Variants in AVEN observed in about 807,000 individuals in gnomAD.
AVEN encodes the protein apoptosis and caspase activation inhibitor.
A neutral mutation model predicts 38.1 loss-of-function variants in AVEN; 41 were observed. The ratio of observed to expected loss-of-function variants is 1.08; its 90% CI spans 0.84 to 1.40. The LOEUF is 1.40. Among genes scored for constraint, AVEN ranks in the 40% most tolerant of loss-of-function variants. The pLI is 0.00. For missense variants in AVEN, 605 were observed against 438.8 expected (o/e 1.38, Z -3.38); for synonymous variants, 206 against 171.8 (o/e 1.20, Z -1.56).
intron 2 of AVEN, among the ~76,000 whole-genome samples, chr15:33,934,290 T>C (rs1283595326): frequency 6.6e-6 from 1 of 151,706 alleles, no homozygotes; most frequent in Non-Finnish European, 1.5e-5. Context: ...AGCCCAGGAG[T>C]TTGAGGCTGC....
chr15:34,030,203 G>A (rs1271918845), intron 1 of AVEN, among the ~76,000 whole-genome samples: 1 of 152,130 alleles, frequency 6.6e-6, no homozygotes, highest in Non-Finnish European at 1.5e-5. Flanking sequence ...GCAGGGAGCT[G>A]AGATCACACC....
intron 5 of AVEN, among the ~76,000 whole-genome samples, chr15:34,053,527 C>T (rs1900022571): frequency 6.6e-6 from 1 of 151,646 alleles, no homozygotes; most frequent in Admixed American, 6.6e-5. Context: ...TAAAACTACA[C>T]ATCTACAAAC....
chr15:34,027,454 G>A (rs956076312), intron 1 of AVEN, among the ~76,000 whole-genome samples: 6 of 151,642 alleles, frequency 4.0e-5, no homozygotes, highest in Non-Finnish European at 5.9e-5. Flanking sequence ...GCTTGAACCC[G>A]GAAGGCAGAG....
At chr15:33,853,002 A>T in the AVEN span, 6 of 1,541,346 alleles carry the variant, frequency 3.9e-6, no homozygotes, top group Non-Finnish European at 5.3e-6. Context: ...GTTTTCCTTG[A>T]TGTTAAGAAT....
intron 2 of AVEN, among the ~76,000 whole-genome samples, chr15:33,948,863 G>A (rs1458822385): frequency 6.6e-6 from 1 of 151,918 alleles, no homozygotes; most frequent in Non-Finnish European, 1.5e-5. Flanking sequence ...ATCGAGACAG[G>A]GGATTCATCA....
rs146161396 is a variant in AVEN, at chr15:33,964,526, G to A, written c.445+38506C>T. ...ATGCCAAAAGAAAAAAAATGCAATC[G>A]TTTTACCCGAATGTAATACATATGA... On this transcript the variant is annotated intron_variant, in intron 2 of 5. Coordinates refer to ENST00000306730, the MANE Select transcript of AVEN (RefSeq NM_020371.3). Among the ~76,000 whole-genome samples, 28 of 152,114 alleles carry A rather than the reference G, an allele frequency of 1.8e-4. 1 individual carries two copies. In the East Asian group the frequency reaches 4.1e-3, roughly 22 times the overall value.
intron 2 of AVEN, among the ~76,000 whole-genome samples, chr15:33,877,312 A>C (rs1891279788): frequency 6.6e-6 from 1 of 152,196 alleles, no homozygotes; most frequent in African/African-American, 2.4e-5. Context: ...TTTTTTTAAA[A>C]AGAGCAACCA....
At chr15:34,048,828 C>G (rs1211045073) in intron 5 of AVEN, among the ~76,000 whole-genome samples, 1 of 152,130 alleles carries the variant, frequency 6.6e-6, no homozygotes, top group Admixed American at 6.5e-5. Context: ...ATGGAGCCTC[C>G]AAAGGAAGGA....
intron 2 of AVEN, among the ~76,000 whole-genome samples, chr15:33,905,757 T>G (rs1358394830): frequency 6.6e-6 from 1 of 151,466 alleles, no homozygotes; most frequent in South Asian, 2.1e-4. Flanking sequence ...GAGGTGGAAG[T>G]TGCAGTGAGC....
chr15:34,070,060 G>C (rs1277287331), intron 2 of AVEN, among the ~76,000 whole-genome samples: 1 of 152,138 alleles, frequency 6.6e-6, no homozygotes, highest in Admixed American at 6.5e-5. Flanking sequence ...CTGCATGGCT[G>C]GGGAGGCCTC....
rs142833331 is a variant in AVEN, at chr15:33,956,328, C to T, written c.445+46704G>A. Among the ~76,000 whole-genome samples the T allele has an allele frequency of 5.3e-4, 81 of 152,294 alleles. 1 individual carries two copies. The Middle Eastern group carries it at 0.014, about 26-fold the overall frequency. ...GAAATGCCCTTCTTCTCCAACACTG[C>T]GCATCCTCACTCTTGCCAGTGCAAA... On this transcript the variant is annotated intron_variant, in intron 2 of 5. Transcript: ENST00000306730.
chr15:34,068,898 G>A (rs1461869487), intron 2 of AVEN, among the ~76,000 whole-genome samples: 3 of 148,944 alleles, frequency 2.0e-5, no homozygotes, highest in South Asian at 2.1e-4. Context: ...TGCAAGGTCC[G>A]CCTCCCGGGT....
chr15:33,951,184 C>A (rs551068408), intron 2 of AVEN, among the ~76,000 whole-genome samples: 2 of 151,948 alleles, frequency 1.3e-5, no homozygotes, highest in African/African-American at 4.8e-5. Flanking sequence ...CATTCCTATG[C>A]GCAGCACCAA....
At chr15:33,896,781 T>G (rs1449979548) in intron 2 of AVEN, among the ~76,000 whole-genome samples, 2 of 152,202 alleles carry the variant, frequency 1.3e-5, no homozygotes, top group African/African-American at 4.8e-5. Flanking sequence ...ATCCTTCAAA[T>G]CTGTTAAATG....
chr15:33,934,258 G>A (rs917761655), intron 2 of AVEN, among the ~76,000 whole-genome samples: 4 of 151,974 alleles, frequency 2.6e-5, no homozygotes, highest in African/African-American at 9.7e-5. Flanking sequence ...CTACTCAGGA[G>A]GCTGAGGTGG....
intron 2 of AVEN, among the ~76,000 whole-genome samples, chr15:33,905,880 C>T (rs1892682317): frequency 6.6e-6 from 1 of 151,614 alleles, no homozygotes; most frequent in Non-Finnish European, 1.5e-5. Flanking sequence ...CCAATTCAAC[C>T]AAATGCACTG....
intron 5 of AVEN, 128 bp downstream of exon 5, chr15:33,867,367 G>A (rs1270636793): frequency 1.5e-6 from 2 of 1,295,944 alleles, no homozygotes; most frequent in East Asian, 4.8e-5. Flanking sequence ...CACAGAAATA[G>A]ATGTCAGTGG....
intron 2 of AVEN, among the ~76,000 whole-genome samples, chr15:33,879,201 A>C (rs939721612): frequency 6.6e-6 from 1 of 151,690 alleles, no homozygotes; most frequent in African/African-American, 2.4e-5. Context: ...GCACATATAC[A>C]CCATGGAATA....
downstream of AVEN, among the ~76,000 whole-genome samples, chr15:33,862,180 TC>T (rs1888500924): frequency 2.0e-5 from 3 of 151,296 alleles, no homozygotes; most frequent in Non-Finnish European, 4.4e-5. Flanking sequence ...GCCTAGCTCT[TC>T]CCCCTTCTCT....
Sources: allele counts gnomAD v4.1 joint callset (sites outside exome capture counted in the v4.1 genomes callset), GRCh38; gene constraint gnomAD v4.1.1; transcripts MANE v1.5; gene names NCBI Gene and HGNC (gene_info 2026-07-23, HGNC 2026-07-21).